SYNPR: variants seen among roughly 807,000 people sequenced by gnomAD.
SYNPR encodes synaptoporin.
A neutral mutation model predicts 32.9 loss-of-function variants in SYNPR; 23 were observed. The observed-to-expected ratio is 0.70, with a 90% CI of 0.50 to 0.99. SYNPR has a LOEUF of 0.99. Ranked by LOEUF, SYNPR falls within the 50% of genes least tolerant of loss-of-function variation. The pLI, the probability that SYNPR is intolerant of heterozygous loss-of-function variation, is 0.00. For missense variants in SYNPR, 318 were observed against 349.3 expected (o/e 0.91, Z 0.71); for synonymous variants, 146 against 135.9 (o/e 1.07, Z -0.52).
At chr3:63,209,236 T>A in the SYNPR span, among the ~76,000 whole-genome samples, 2 of 144,138 alleles carry the variant, frequency 1.4e-5, no homozygotes, top group African/African-American at 2.6e-5. Context: ...GAGAATGGCA[T>A]GAACCCGGGG....
rs550808061 is a variant in SYNPR at position 63,467,981 on chromosome 3, C to G, written c.85-12851C>G. Reference sequence around the variant, plus strand: ...TTGGGAGGTTGAGGCGGGCACATCACCTGAGGTTGGGAGTTTGAGACCACC... The same window carrying G: ...TTGGGAGGTTGAGGCGGGCACATCAGCTGAGGTTGGGAGTTTGAGACCACC... On this transcript the variant is annotated intron_variant, in intron 2 of 5. Transcript: ENST00000478300. Among the ~76,000 whole-genome samples, 50 of 151,938 alleles carry G rather than the reference C, an allele frequency of 3.3e-4. No individual in the cohort carries two copies. The South Asian group carries it at 9.8e-3, about 30-fold the overall frequency.
intron 1 of SYNPR, among the ~76,000 whole-genome samples, chr3:63,240,875 C>A (rs1025011312): frequency 1.3e-5 from 2 of 152,128 alleles, no homozygotes; most frequent in African/African-American, 4.8e-5. Flanking sequence ...GCTAATTGCC[C>A]TGTGGTAGAA....
intron 2 of SYNPR, among the ~76,000 whole-genome samples, chr3:63,378,007 TA>T (rs1420812849): frequency 1.1e-4 from 16 of 151,926 alleles, no homozygotes; most frequent in Non-Finnish European, 2.2e-4. Context: ...TTGCATTTAT[TA>T]TAAGAGCATA....
chr3:63,341,645 T>C (rs2087372035), intron 2 of SYNPR, among the ~76,000 whole-genome samples: 1 of 152,230 alleles, frequency 6.6e-6, no homozygotes, highest in Admixed American at 6.5e-5. Flanking sequence ...TTGCCATCTG[T>C]ATAATTTCTT....
chr3:63,280,529 AT>A (rs1317649222), intron 2 of SYNPR, among the ~76,000 whole-genome samples: 51 of 150,520 alleles, frequency 3.4e-4, no homozygotes, highest in Non-Finnish European at 6.4e-4. Flanking sequence ...AAAAAAAAAA[AT>A]GTTTGTTTTT....
Position 63,485,955 on chromosome 3 carries a change from G to A in SYNPR, c.209+4999G>A, listed in dbSNP as rs370095720. Among the ~76,000 whole-genome samples the A allele has an allele frequency of 3.3e-5, 5 of 152,156 alleles. No homozygotes were observed. The East Asian group carries it at 5.8e-4, about 18-fold the overall frequency. On this transcript the variant is annotated intron_variant, in intron 3 of 5. Coordinates refer to ENST00000478300, the MANE Select transcript of SYNPR (RefSeq NM_001130003.2). ...CAATTTTAAGCATTATTTTACATAT[G>A]AGATTAGTAATCACTGTTCTAGATA...
intron 4 of SYNPR, among the ~76,000 whole-genome samples, chr3:63,578,120 G>C (rs1703023620): frequency 6.6e-6 from 1 of 152,150 alleles, no homozygotes; most frequent in Non-Finnish European, 1.5e-5. Context: ...TAAGGCCCAA[G>C]ATGTGTGCAA....
intron 3 of SYNPR, among the ~76,000 whole-genome samples, chr3:63,481,174 T>C (rs749833107): frequency 2.2e-5 from 3 of 136,940 alleles, no homozygotes; most frequent in Non-Finnish European, 4.8e-5. Context: ...CTGACTCTCC[T>C]CAAAAAAAAA....
chr3:63,239,382 T>A (rs1326850488), intron 1 of SYNPR, among the ~76,000 whole-genome samples: 2 of 151,212 alleles, frequency 1.3e-5, no homozygotes, highest in African/African-American at 4.9e-5. Flanking sequence ...TTGTCAAGTG[T>A]GTTATGCACC....
the SYNPR span, among the ~76,000 whole-genome samples, chr3:63,221,331 G>C: frequency 1.3e-5 from 2 of 152,084 alleles, no homozygotes; most frequent in African/African-American, 2.4e-5. Context: ...AGAAGAAAAG[G>C]GGGCTCTAGG....
intron 5 of SYNPR, 69 bp downstream of exon 5, chr3:63,609,385 T>A (rs1353664746): frequency 3.0e-6 from 4 of 1,346,964 alleles, no homozygotes. Flanking sequence ...AAGAAAAACA[T>A]CTCAGAAGTC....
chr3:63,382,349 G>A (rs779951493), intron 2 of SYNPR, among the ~76,000 whole-genome samples: 2 of 152,194 alleles, frequency 1.3e-5, no homozygotes, highest in Non-Finnish European at 2.9e-5. Flanking sequence ...GAGAGTGAGG[G>A]AGTAGTTAGG....
chr3:63,447,685 ACCT>A (rs1700303548), intron 2 of SYNPR, among the ~76,000 whole-genome samples: 1 of 152,030 alleles, frequency 6.6e-6, no homozygotes. Flanking sequence ...AAATGGAAAC[ACCT>A]CAGTCTCTCC....
At chr3:63,211,577 G>A in the SYNPR span, among the ~76,000 whole-genome samples, 1 of 152,122 alleles carries the variant, frequency 6.6e-6, no homozygotes, top group Non-Finnish European at 1.5e-5. Flanking sequence ...TAGATGACAA[G>A]GACTTTAGAG....
chr3:63,594,109 C>T (rs1354082479), intron 4 of SYNPR, among the ~76,000 whole-genome samples: 2 of 152,148 alleles, frequency 1.3e-5, no homozygotes. Flanking sequence ...GAAAAACTAA[C>T]AGCTACTTCG....
intron 2 of SYNPR, among the ~76,000 whole-genome samples, chr3:63,256,091 C>G (rs1034402091): frequency 2.0e-5 from 3 of 152,110 alleles, no homozygotes; most frequent in African/African-American, 7.2e-5. Flanking sequence ...CTGGGTGGAG[C>G]CCACCGCAGC....
intron 2 of SYNPR, among the ~76,000 whole-genome samples, chr3:63,327,757 A>G (rs572006191): frequency 6.6e-6 from 1 of 152,312 alleles, no homozygotes; most frequent in East Asian, 1.9e-4. Context: ...ATTAGAAGTT[A>G]GGACAGTAGC....
intron 4 of SYNPR, among the ~76,000 whole-genome samples, chr3:63,563,757 C>G (rs1420560899): frequency 6.6e-6 from 1 of 152,064 alleles, no homozygotes; most frequent in Non-Finnish European, 1.5e-5. Context: ...TTATAACTCT[C>G]CTACAAATGG....
At chr3:63,521,321 T>C (rs1432235888) in intron 3 of SYNPR, among the ~76,000 whole-genome samples, 1 of 152,182 alleles carries the variant, frequency 6.6e-6, no homozygotes, top group Non-Finnish European at 1.5e-5. Flanking sequence ...ATCAAAAAAT[T>C]TGAGAACCAC....
Sources: gnomAD v4.1 joint callset for allele counts (sites outside exome capture counted in the v4.1 genomes callset) on GRCh38, gnomAD v4.1.1 for gene constraint, MANE v1.5 for transcripts, NCBI Gene and HGNC (gene_info 2026-07-23, HGNC 2026-07-21) for gene names.